ZNF365: variants seen among roughly 807,000 people sequenced by gnomAD.
ZNF365 encodes the protein zinc finger protein 365.
Under a neutral mutation model 35.0 loss-of-function variants are expected in ZNF365, and 22 were observed. The observed-to-expected ratio is 0.63, with a 90% CI of 0.45 to 0.90. The LOEUF (loss-of-function observed/expected upper bound fraction) is 0.90, where lower values mean the gene tolerates loss of function less well. Among genes scored for constraint, ZNF365 ranks in the 40% least tolerant of loss-of-function variants. The pLI is 0.00. For missense variants in ZNF365, 448 were observed against 500.3 expected, an observed-to-expected ratio of 0.90 and a Z score of 1.00; for synonymous variants, 188 against 196.2, an observed-to-expected ratio of 0.96 and a Z score of 0.35.
chr10:62,388,894 A>G (rs895975759), intron 3 of ZNF365, among the ~76,000 whole-genome samples: 2 of 152,334 alleles, frequency 1.3e-5, no homozygotes, highest in African/African-American at 2.4e-5. Flanking sequence ...ATTCATTTCA[A>G]TTTTGATGTT....
At chr10:62,450,887 G>C (rs1284209877) in intron 3 of ZNF365, among the ~76,000 whole-genome samples, 1 of 152,178 alleles carries the variant, frequency 6.6e-6, no homozygotes, top group Non-Finnish European at 1.5e-5. Context: ...CTATTCCCCT[G>C]ACATAAAGTT....
chr10:62,382,218 T>TA (rs1202612555), intron 2 of ZNF365, among the ~76,000 whole-genome samples: 2 of 152,230 alleles, frequency 1.3e-5, no homozygotes, highest in Non-Finnish European at 2.9e-5. Flanking sequence ...TCATTCCCAT[T>TA]TTTTGATCAG....
At chr10:62,409,020 C>T (rs916055080) in intron 3 of ZNF365, among the ~76,000 whole-genome samples, 5 of 152,188 alleles carry the variant, frequency 3.3e-5, no homozygotes, top group Admixed American at 2.6e-4. Context: ...CTTGTGACTG[C>T]AGGGAGATTC....
chr10:62,418,959 C>G (rs79377421), intron 3 of ZNF365, among the ~76,000 whole-genome samples: 2 of 151,994 alleles, frequency 1.3e-5, no homozygotes, highest in African/African-American at 2.4e-5. Flanking sequence ...AAACAAAGAA[C>G]CTTAAGCACA....
chr10:62,414,864 G>A (rs1369974502), intron 3 of ZNF365, among the ~76,000 whole-genome samples: 2 of 151,840 alleles, frequency 1.3e-5, no homozygotes, highest in Non-Finnish European at 2.9e-5. Context: ...CCACGTTTCT[G>A]GTGCTTTTTC....
intron 3 of ZNF365, among the ~76,000 whole-genome samples, chr10:62,413,257 C>T (rs1402007886): frequency 1.3e-5 from 2 of 152,090 alleles, no homozygotes; most frequent in Admixed American, 6.6e-5. Flanking sequence ...TCCTCCGACT[C>T]ATACTAGTTA....
At chr10:62,467,447 G>C (rs1287971565) in intron 4 of ZNF365, among the ~76,000 whole-genome samples, 1 of 152,198 alleles carries the variant, frequency 6.6e-6, no homozygotes, top group Non-Finnish European at 1.5e-5. Flanking sequence ...AAAGACTTCT[G>C]GGAATTAATG....
chr10:62,406,448 A>G (rs4746718), downstream of ZNF365, among the ~76,000 whole-genome samples: 17,546 of 151,970 alleles, frequency 0.12, 1,420 homozygotes, highest in African/African-American at 0.23. Flanking sequence ...CTGTTCTGTC[A>G]TTTCCATAAA....
chr10:62,458,627 A>G (rs1014012170), intron 3 of ZNF365, among the ~76,000 whole-genome samples: 1 of 152,180 alleles, frequency 6.6e-6, no homozygotes, highest in Non-Finnish European at 1.5e-5. Context: ...ATACCCTTCT[A>G]GAAGAGTTTT....
intron 3 of ZNF365, among the ~76,000 whole-genome samples, chr10:62,431,559 G>T (rs1476555647): frequency 1.3e-5 from 2 of 152,054 alleles, no homozygotes; most frequent in Non-Finnish European, 2.9e-5. Flanking sequence ...GTCTCCTACT[G>T]ATGGGTCTAC....
rs142902424 is a variant in ZNF365 at position 62,416,413 on chromosome 10, T to C, written c.924+27837T>C. ...TTCATTCTCTGAAGAATGCTTTTCATGTGAAATGTTCCCATGTTTTCCTAA... is the reference window on the plus strand; with the variant it reads ...TTCATTCTCTGAAGAATGCTTTTCACGTGAAATGTTCCCATGTTTTCCTAA... On this transcript the variant is annotated intron_variant, in intron 3 of 4. Transcript: ENST00000395255. 2.7e-3 allele frequency among the ~76,000 whole-genome samples: 407 copies of C among 152,258 alleles called. 1 individual carries two copies. Among genetic ancestry groups the C allele is most frequent in the African/African-American group, 8.9e-3 (370 of 41,574 alleles).
intron 4 of ZNF365, among the ~76,000 whole-genome samples, chr10:62,474,479 G>A (rs1159660445): frequency 1.3e-5 from 2 of 152,232 alleles, no homozygotes; most frequent in Non-Finnish European, 2.9e-5. Flanking sequence ...TTTCGTGTGT[G>A]TGTGTTTGAA....
At chr10:62,411,272 T>C (rs1334423022) in intron 3 of ZNF365, among the ~76,000 whole-genome samples, 1 of 152,194 alleles carries the variant, frequency 6.6e-6, no homozygotes. Flanking sequence ...GTGCAGAAGC[T>C]CTTTAGTTAT....
At chr10:62,415,115 G>C (rs1296218268) in intron 3 of ZNF365, among the ~76,000 whole-genome samples, 2 of 152,068 alleles carry the variant, frequency 1.3e-5, no homozygotes, top group African/African-American at 4.8e-5. Context: ...TACAGTAAAA[G>C]TCTTTGCTAA....
intron 3 of ZNF365, among the ~76,000 whole-genome samples, chr10:62,422,113 T>C (rs1840178480): frequency 6.6e-6 from 1 of 152,118 alleles, no homozygotes; most frequent in South Asian, 2.1e-4. Flanking sequence ...ATTATATGGA[T>C]GAGTCATGCT....
Position 62,437,964 on chromosome 10 carries a change from C to A in ZNF365, c.925-21777C>A, listed in dbSNP as rs1227821353. 2.6e-5 allele frequency among the ~76,000 whole-genome samples: 4 copies of A among 152,130 alleles called. 1 individual carries two copies. In the East Asian group the frequency reaches 7.7e-4, roughly 29 times the overall value. ...TCTACATCCAACATCATTCTTCTGT[C>A]GTGATGCATAGCATGGGCCTGTTGG... is the stretch of plus-strand genomic sequence containing the variant. On this transcript the variant is annotated intron_variant, in intron 3 of 4. Transcript: ENST00000395255.
intron 4 of ZNF365, among the ~76,000 whole-genome samples, chr10:62,472,579 G>A (rs79964231): frequency 0.048 from 7,259 of 152,238 alleles, 224 homozygotes; most frequent in East Asian, 0.17. Flanking sequence ...AGGGGCCTGT[G>A]ACAGAGCCTT....
intron 3 of ZNF365, among the ~76,000 whole-genome samples, chr10:62,444,487 G>C (rs1840552091): frequency 6.6e-6 from 1 of 152,016 alleles, no homozygotes; most frequent in South Asian, 2.1e-4. Flanking sequence ...TTGGCCCTGG[G>C]CCCCAGGGCT....
At position 62,441,722 on chromosome 10, in the gene ZNF365, G is replaced by T. The variant is rs369318906; in HGVS notation, c.925-18019G>T. ...AATTGGAAGCTTGCTCTATATTTTG[G>T]GATCCCTACAATGTCCAGCAAATAA... On this transcript the variant is annotated intron_variant, in intron 3 of 4. Transcript: ENST00000395255. 3.3e-5 allele frequency among the ~76,000 whole-genome samples: 5 copies of T among 151,920 alleles called. No individual in the cohort carries two copies. The East Asian group carries it at 7.7e-4, about 23-fold the overall frequency.
Sources: allele counts gnomAD v4.1 joint callset (sites outside exome capture counted in the v4.1 genomes callset), GRCh38; gene constraint gnomAD v4.1.1; transcripts MANE v1.5; gene names NCBI Gene and HGNC (gene_info 2026-07-23, HGNC 2026-07-21).